SMARCA4: variants seen among roughly 807,000 people sequenced by gnomAD.
SMARCA4 encodes the protein SWI/SNF-related matrix-associated actin-dependent regulator of chromatin subfamily A member 4.
A neutral mutation model predicts 193.9 loss-of-function variants in SMARCA4; 31 were observed. The observed-to-expected ratio is 0.16, with a 90% CI of 0.12 to 0.22. The LOEUF (loss-of-function observed/expected upper bound fraction) is 0.22. Ranked by LOEUF, SMARCA4 falls within the 10% of genes least tolerant of loss-of-function variation. The pLI is 1.00. For synonymous variants in SMARCA4, 942 were observed against 933.1 expected (o/e 1.01, Z -0.17); for missense variants, 1,148 against 2,296.0 (o/e 0.50, Z 10.22).
rs1042024224 is a variant in SMARCA4 at position 11,033,149 on chromosome 19, T to C, written c.3547-141T>C. 2.8e-6 allele frequency: 2 copies of C among 717,136 alleles called. No homozygotes were observed. Among genetic ancestry groups the C allele is most frequent in the Admixed American group, 4.0e-5 (2 of 50,448 alleles). The allele number at this position is 717,136 out of a possible 1,614,324, so 44.4% of individuals were successfully genotyped here. On this transcript the variant is annotated intron_variant, in intron 25 of 34. Coordinates refer to ENST00000344626, the MANE Select transcript of SMARCA4 (RefSeq NM_003072.5). This position sits in a 1 kb window ranked among gnomAD's most constrained non-coding sequence, Gnocchi z 9.8. ...CCAGGCTCCACCAGCTCTGTTTTCA[T>C]GCGGCGGCAGGTCAGGCTGGGCAGA...
intron 14 of SMARCA4, 126 bp downstream of exon 14, chr19:11,008,149 C>A (rs757985331): frequency 1.4e-5 from 13 of 899,132 alleles, no homozygotes; most frequent in Non-Finnish European, 2.0e-5. Context: ...TACTGTGGAA[C>A]TACAGAGACC....
At position 11,058,493 on chromosome 19, in the gene SMARCA4, C is replaced by T; in HGVS notation, c.4533+130C>T. 2.7e-6 allele frequency: 2 copies of T among 749,898 alleles called. No homozygotes were observed. Among genetic ancestry groups the T allele is most frequent in the Non-Finnish European group, 4.7e-6 (2 of 426,572 alleles). 46.5% of individuals were successfully genotyped at this position (749,898 alleles called of 1,614,324 possible). On this transcript the variant is annotated intron_variant, in intron 31 of 34. Transcript: ENST00000344626. This position sits in a 1 kb window ranked among gnomAD's most constrained non-coding sequence, Gnocchi z 5.8. ...CCACCTAGGCGGTGCCTTGGGCTACCTGGTTAGGGACCTGGTCGTGGGCTT... is the reference window on the plus strand; with the variant it reads ...CCACCTAGGCGGTGCCTTGGGCTACTTGGTTAGGGACCTGGTCGTGGGCTT...
At chr19:10,965,914 T>C (rs2084175984) in intron 1 of SMARCA4, among the ~76,000 whole-genome samples, 1 of 151,340 alleles carries the variant, frequency 6.6e-6, no homozygotes, top group Non-Finnish European at 1.5e-5. Flanking sequence ...AAGAAAACCA[T>C]GCTTTGAAAT....
At chr19:11,021,093 G>C (rs1302162014) in intron 18 of SMARCA4, 1 of 179,520 alleles carries the variant, frequency 5.6e-6, no homozygotes, top group Non-Finnish European at 1.2e-5. Context: ...GCTCACCCCT[G>C]CTGACTCCTT....
In SMARCA4 at chr19:11,061,960, C is replaced by CTTCTCTGCTGTATAAAT; in HGVS notation, c.*144_*145insTTCTCTGCTGTATAAAT. On this transcript the variant is annotated 3_prime_UTR_variant, in exon 35 of 35. Coordinates refer to ENST00000344626, the MANE Select transcript of SMARCA4 (RefSeq NM_003072.5). The stretch of plus-strand genomic sequence containing the variant: ...AAAAGAATCTTCCATATTTATACAG[C>CTTCTCTGCTGTATAAAT]AGAGAAGCTGTAGGACTGTTTGTGA... The CTTCTCTGCTGTATAAAT allele has an allele frequency of 1.3e-6, 1 of 797,868 alleles. No homozygotes were observed. Among genetic ancestry groups the CTTCTCTGCTGTATAAAT allele is most frequent in the Non-Finnish European group, 2.1e-6 (1 of 466,242 alleles). The allele number at this position is 797,868 out of a possible 1,614,324, so 49.4% of individuals were successfully genotyped here. A position where few individuals can be genotyped will look rare whatever the true frequency, so the allele number is the denominator to read the frequency against.
Position 11,058,427 on chromosome 19 carries a change from C to T in SMARCA4, c.4533+64C>T. ...GAGGGGAGTCTGACCCAGGGGCACC[C>T]CCATCTGAGAGCTGTGGTGTGTGGG... On this transcript the variant is annotated intron_variant, in intron 31 of 34. Transcript: ENST00000344626. The surrounding 1 kb of genome is among the most constrained non-coding windows in gnomAD (Gnocchi z 5.8). The T allele has an allele frequency of 6.2e-6, 7 of 1,129,664 alleles. No homozygotes were observed. The highest frequency in any genetic ancestry group is 3.5e-5 in the Admixed American group (2 of 56,456). 70.0% of individuals were successfully genotyped at this position (1,129,664 alleles called of 1,614,324 possible).
At chr19:11,027,753 C>A (rs201757432) in intron 23 of SMARCA4, 31 bp from the exon 24 acceptor site, 2 of 1,613,226 alleles carry the variant, frequency 1.2e-6, no homozygotes, top group Admixed American at 1.7e-5. Context: ...TAACATCCTG[C>A]GCCTTCTCTC....
intron 6 of SMARCA4, among the ~76,000 whole-genome samples, chr19:10,988,957 T>G (rs1241877272): frequency 6.6e-6 from 1 of 152,106 alleles, no homozygotes; most frequent in Non-Finnish European, 1.5e-5. Flanking sequence ...AGTTTTGAGG[T>G]GAGAATGCTG....
intron 25 of SMARCA4, chr19:11,032,984 A>G (rs1384945674): frequency 4.2e-6 from 2 of 473,746 alleles, no homozygotes; most frequent in Non-Finnish European, 7.8e-6. Flanking sequence ...TGCCGCTGCC[A>G]CGGGAGCTGC....
chr19:11,047,897 A>G (rs1218102853), intron 30 of SMARCA4: 2 of 152,224 alleles, frequency 1.3e-5, no homozygotes, highest in African/African-American at 4.8e-5. Flanking sequence ...GGACTCAGAG[A>G]TCACCTCCCA....
At chr19:11,000,100 G>A (rs942007252) in intron 11 of SMARCA4, among the ~76,000 whole-genome samples, 6 of 151,692 alleles carry the variant, frequency 4.0e-5, no homozygotes, top group African/African-American at 1.5e-4. Context: ...GGGGGCACAC[G>A]CCTGTGGTCC....
At chr19:10,991,616 G>A (rs1440233891) in intron 8 of SMARCA4, among the ~76,000 whole-genome samples, 1 of 152,198 alleles carries the variant, frequency 6.6e-6, no homozygotes, top group African/African-American at 2.4e-5. Flanking sequence ...TGATGTTGGG[G>A]GAGTTCTTTC....
At chr19:10,988,489 T>C (rs537341833) in intron 6 of SMARCA4, among the ~76,000 whole-genome samples, 2 of 152,316 alleles carry the variant, frequency 1.3e-5, no homozygotes, top group East Asian at 3.9e-4. Context: ...CCCAATAAGC[T>C]TTGCCTTATG....
intron 18 of SMARCA4, 41 bp from the exon 19 acceptor site, chr19:11,021,684 C>A (rs2146412707): frequency 6.3e-7 from 1 of 1,578,968 alleles, no homozygotes. Flanking sequence ...GCCGGGCCAC[C>A]TGCTGCCCCC....
rs914224502 is a variant in SMARCA4 at position 11,041,250 on chromosome 19, C to T, written c.4171-57C>T. The T allele has an allele frequency of 3.8e-6, 6 of 1,558,688 alleles. No homozygotes were observed. Among genetic ancestry groups the T allele is most frequent in the African/African-American group, 1.4e-5 (1 of 73,780 alleles). ...CCCGGCCCCTGGGATTGCGTCGCGG[C>T]CTCTGCTTGTCGACCTGGGTGCTGG... On this transcript the variant is annotated intron_variant, in intron 29 of 34. Transcript: ENST00000344626. The surrounding 1 kb of genome is among the most constrained non-coding windows in gnomAD (Gnocchi z 5.6).
intron 13 of SMARCA4, among the ~76,000 whole-genome samples, chr19:11,005,041 G>T (rs2088060921): frequency 6.6e-6 from 1 of 152,050 alleles, no homozygotes; most frequent in Non-Finnish European, 1.5e-5. Context: ...TCACCATGTT[G>T]GTCAGGCTGG....
At chr19:11,055,492 C>CT (rs199758622) in intron 30 of SMARCA4, among the ~76,000 whole-genome samples, 72 of 151,474 alleles carry the variant, frequency 4.8e-4, no homozygotes, top group African/African-American at 1.5e-3. Context: ...CCAGCCGCAC[C>CT]TTGTTTTTTT....
At chr19:10,997,252 GC>G (rs1226650094) in intron 11 of SMARCA4, among the ~76,000 whole-genome samples, 1 of 151,914 alleles carries the variant, frequency 6.6e-6, no homozygotes, top group Non-Finnish European at 1.5e-5. Flanking sequence ...AGGCTGGAGT[GC>G]AATGGCACAA....
chr19:11,048,586 G>A (rs962112631), intron 30 of SMARCA4, among the ~76,000 whole-genome samples: 1 of 152,220 alleles, frequency 6.6e-6, no homozygotes, highest in African/African-American at 2.4e-5. Flanking sequence ...GAGCTGGAGA[G>A]TGTGCCCATG....
Sources: allele counts gnomAD v4.1 joint callset (sites outside exome capture counted in the v4.1 genomes callset), GRCh38; gene constraint gnomAD v4.1.1; non-coding constraint Gnocchi (gnomAD v3.1); transcripts MANE v1.5; gene names NCBI Gene and HGNC (gene_info 2026-07-23, HGNC 2026-07-21).